Variants in SGIP1 observed in about 807,000 individuals in gnomAD.
SGIP1 encodes SH3-containing GRB2-like protein 3-interacting protein 1.
SGIP1 carries 38 observed loss-of-function variants against 107.5 expected under a neutral mutation model. That is an observed-to-expected ratio of 0.35 (90% confidence interval 0.27 to 0.46). SGIP1 has a LOEUF of 0.46. Ranked by LOEUF, SGIP1 falls within the 20% of genes least tolerant of loss-of-function variation. The pLI, the probability that SGIP1 is intolerant of heterozygous loss-of-function variation, is 1.00. For synonymous variants in SGIP1, 365 were observed against 366.1 expected, an observed-to-expected ratio of 1.00 and a Z score of 0.03; for missense variants, 929 against 1,019.5, an observed-to-expected ratio of 0.91 and a Z score of 1.21.
chr1:66,566,500 G>T lies in SGIP1; in HGVS notation c.10+32132G>T, dbSNP rs142649674. Reference sequence around the variant, plus strand: ...TAATGAATATTAATCCTCGTATGCAGCAGAATCTAGTCCAGTGGAATAGCA... The same window carrying T: ...TAATGAATATTAATCCTCGTATGCATCAGAATCTAGTCCAGTGGAATAGCA... On this transcript the variant is annotated intron_variant, in intron 1 of 24. Coordinates refer to ENST00000371037, the MANE Select transcript of SGIP1 (RefSeq NM_032291.4). 3.0e-3 allele frequency among the ~76,000 whole-genome samples: 463 copies of T among 152,046 alleles called. 2 individuals carry two copies. Among genetic ancestry groups the T allele is most frequent in the African/African-American group, 0.011 (438 of 41,508 alleles).
In SGIP1 at chr1:66,673,276, T is replaced by C. The variant is rs1266059404; in HGVS notation, c.561-5T>C. 3 of 1,613,888 alleles carry C rather than the reference T, an allele frequency of 1.9e-6. No homozygotes were observed. Among genetic ancestry groups the C allele is most frequent in the African/African-American group, 1.3e-5 (1 of 74,920 alleles). ...CTGTATTTTGCCTTAATGTGTGTGATTTAGCAAAAAGCCTCCAGATGACAC... is the reference window on the plus strand; with the variant it reads ...CTGTATTTTGCCTTAATGTGTGTGACTTAGCAAAAAGCCTCCAGATGACAC... On this transcript the variant is annotated splice_polypyrimidine_tract_variant and splice_region_variant and intron_variant, in intron 11 of 24. Coordinates refer to ENST00000371037, the MANE Select transcript of SGIP1 (RefSeq NM_032291.4).
chr1:66,559,288 G>A (rs958846812), intron 1 of SGIP1, among the ~76,000 whole-genome samples: 2 of 152,076 alleles, frequency 1.3e-5, no homozygotes, highest in African/African-American at 2.4e-5. Flanking sequence ...AAGCTGACAG[G>A]CTTGCCATTT....
chr1:66,589,208 A>ATGTGTGTG (rs1453675527), intron 1 of SGIP1, among the ~76,000 whole-genome samples: 3 of 87,578 alleles, frequency 3.4e-5, no homozygotes, highest in South Asian at 3.4e-4. Flanking sequence ...ATATATATAT[A>ATGTGTGTG]TATATATATG....
At chr1:66,602,483 G>T (rs745859573) in intron 1 of SGIP1, among the ~76,000 whole-genome samples, 1 of 152,116 alleles carries the variant, frequency 6.6e-6, no homozygotes, top group Non-Finnish European at 1.5e-5. Context: ...CTAGAGAATG[G>T]TGGTAAGATC....
In SGIP1 at chr1:66,743,059, G is replaced by C. The variant is rs1184698636; in HGVS notation, c.2465-14G>C. The C allele has an allele frequency of 2.5e-6, 4 of 1,613,384 alleles. No homozygotes were observed. Among genetic ancestry groups the C allele is most frequent in the Non-Finnish European group, 3.4e-6 (4 of 1,179,694 alleles). On this transcript the variant is annotated splice_polypyrimidine_tract_variant and intron_variant, in intron 24 of 24. Coordinates refer to ENST00000371037, the MANE Select transcript of SGIP1 (RefSeq NM_032291.4). ...CTACCAGATAACCTGTTGACATGCT[G>C]TTTTGTTTTGCAGGAAAATACTTGG...
In SGIP1 at chr1:66,747,133, A is replaced by C. The variant is rs1265611300; in HGVS notation, c.*4038A>C. On this transcript the variant is annotated 3_prime_UTR_variant, in exon 25 of 25. Transcript: ENST00000371037. ...GCATTATAAGGAAACATGTATAATC[A>C]AGTTCATACAAGCTATACACAGTAG... 2.0e-5 allele frequency: 3 copies of C among 152,110 alleles called. No homozygotes were observed. The highest frequency in any genetic ancestry group is 7.2e-5 in the African/African-American group (3 of 41,462). 9.4% of individuals were successfully genotyped at this position (152,110 alleles called of 1,614,324 possible).
chr1:66,643,835 A>G (rs2077188094), intron 7 of SGIP1, 116 bp downstream of exon 7: 9 of 855,450 alleles, frequency 1.1e-5, no homozygotes, highest in Non-Finnish European at 1.5e-5. Flanking sequence ...TATGGTCACC[A>G]TATCATGAAT....
At chr1:66,674,350 A>T (rs972611620) in intron 12 of SGIP1, among the ~76,000 whole-genome samples, 5 of 152,194 alleles carry the variant, frequency 3.3e-5, no homozygotes, top group African/African-American at 1.2e-4. Context: ...TCTCTATAAA[A>T]TGGATCTTAT....
At chr1:66,712,182 T>A (rs1193778149) in intron 18 of SGIP1, among the ~76,000 whole-genome samples, 1 of 152,124 alleles carries the variant, frequency 6.6e-6, no homozygotes. Context: ...TGCACAGAAT[T>A]TGAACACATT....
chr1:66,614,845 G>A, intron 1 of SGIP1, among the ~76,000 whole-genome samples: 1 of 100,156 alleles, frequency 1.0e-5, no homozygotes, highest in African/African-American at 3.6e-5. Context: ...TTGAGATGGA[G>A]TTTAGCTCTT....
chr1:66,681,907 C>T lies in SGIP1; in HGVS notation c.853C>T (p.Leu285=). The T allele has an allele frequency of 6.2e-7, 1 of 1,613,802 alleles. No homozygotes were observed. The highest frequency in any genetic ancestry group is 1.3e-5 in the African/African-American group (1 of 75,048). ...QSATEVKIEK[L]PSINDLDSIF... is the part of the protein sequence containing the mutation. ...AGCCACAGAGGTCAAAATTGAAAAA[C>T]TACCATCCATCAATGACTTGGACAG... Residue 285 remains leucine (L), a synonymous_variant, in exon 15 of 25, where the codon CTA becomes TTA. Coordinates refer to ENST00000371037, the MANE Select transcript of SGIP1 (RefSeq NM_032291.4).
rs2066345486 is a variant in SGIP1, at chr1:66,603,966, C to G, written c.11-21881C>G. Among the ~76,000 whole-genome samples, 3 of 152,124 alleles carry G rather than the reference C, an allele frequency of 2.0e-5. No individual in the cohort carries two copies. In the South Asian group the frequency reaches 6.2e-4, roughly 32 times the overall value. ...AAAAGAGTCCAGAGGATATGGACTA[C>G]AGTGTTTTGTCTTCTTTCCTTTTAT... On this transcript the variant is annotated intron_variant, in intron 1 of 24. Coordinates refer to ENST00000371037, the MANE Select transcript of SGIP1 (RefSeq NM_032291.4).
intron 8 of SGIP1, among the ~76,000 whole-genome samples, chr1:66,667,212 A>G (rs2082766701): frequency 2.0e-5 from 3 of 151,986 alleles, no homozygotes; most frequent in Admixed American, 1.3e-4. Flanking sequence ...AAAAACTTCT[A>G]CGGCAAGACA....
chr1:66,698,346 G>GA (rs1345918610), intron 18 of SGIP1, among the ~76,000 whole-genome samples: 10 of 148,400 alleles, frequency 6.7e-5, no homozygotes, highest in South Asian at 4.2e-4. Flanking sequence ...TTTAAGTTGG[G>GA]AAAAAAACAG....
At chr1:66,584,228 GAAAT>G (rs919985492) in intron 1 of SGIP1, among the ~76,000 whole-genome samples, 4 of 152,096 alleles carry the variant, frequency 2.6e-5, no homozygotes, top group African/African-American at 9.6e-5. Context: ...GTGCTAAAAA[GAAAT>G]AAAGTTTAAA....
chr1:66,565,867 A>G (rs2059568812), intron 1 of SGIP1, among the ~76,000 whole-genome samples: 1 of 152,056 alleles, frequency 6.6e-6, no homozygotes, highest in South Asian at 2.1e-4. Context: ...CAAGAAAAAC[A>G]TTATTAATGC....
At chr1:66,555,449 C>T (rs565909912) in intron 1 of SGIP1, among the ~76,000 whole-genome samples, 45 of 152,100 alleles carry the variant, frequency 3.0e-4, no homozygotes, top group Non-Finnish European at 3.2e-4. Flanking sequence ...AGCCCAAGTA[C>T]AGAAAAGAGC....
chr1:66,694,505 G>A (rs1270348110), intron 17 of SGIP1: 2 of 1,597,914 alleles, frequency 1.3e-6, no homozygotes. Flanking sequence ...ACGCCTGCAG[G>A]TATGGTGCTA....
At chr1:66,547,661 A>G (rs1308471894) in intron 1 of SGIP1, among the ~76,000 whole-genome samples, 1 of 152,180 alleles carries the variant, frequency 6.6e-6, no homozygotes, top group Non-Finnish European at 1.5e-5. Flanking sequence ...TAGGTGTGAG[A>G]CACAGGCGAG....
Sources: allele counts gnomAD v4.1 joint callset (sites outside exome capture counted in the v4.1 genomes callset), GRCh38; gene constraint gnomAD v4.1.1; transcripts MANE v1.5; gene names NCBI Gene and HGNC (gene_info 2026-07-23, HGNC 2026-07-21).